The following CLDN10 variants were observed in gnomAD, a reference collection of about 807,000 sequenced individuals.
CLDN10 encodes claudin 10.
CLDN10 carries 15 observed loss-of-function variants against 22.9 expected under a neutral mutation model. The observed-to-expected ratio is 0.65, with a 90% CI of 0.44 to 1.01. CLDN10 has a LOEUF of 1.01. CLDN10 is among the 50% of genes least tolerant of loss of function. The probability of loss-of-function intolerance (pLI) is 0.00; values close to 1 mark genes in which losing one functional copy is unlikely to be tolerated. For synonymous variants in CLDN10, 114 were observed against 111.4 expected (o/e 1.02, Z -0.15); for missense variants, 247 against 287.8 (o/e 0.86, Z 1.03).
intron 1 of CLDN10, among the ~76,000 whole-genome samples, chr13:95,532,026 G>T (rs956634540): frequency 3.9e-5 from 6 of 151,956 alleles, no homozygotes; most frequent in Non-Finnish European, 8.8e-5. Context: ...TGGATCATAG[G>T]CCACATAAAA....
chr13:95,526,144 T>G (rs2043278749), intron 1 of CLDN10, among the ~76,000 whole-genome samples: 1 of 152,250 alleles, frequency 6.6e-6, no homozygotes, highest in African/African-American at 2.4e-5. Context: ...ATTCTCCGAA[T>G]GTTCTTTAGC....
chr13:95,532,002 A>G (rs2043348314), intron 1 of CLDN10, among the ~76,000 whole-genome samples: 1 of 152,234 alleles, frequency 6.6e-6, no homozygotes, highest in South Asian at 2.1e-4. Context: ...TACCAAACAA[A>G]CAATAATTAG....
intron 1 of CLDN10, among the ~76,000 whole-genome samples, chr13:95,512,677 G>A (rs1452624795): frequency 2.0e-5 from 3 of 152,074 alleles, no homozygotes; most frequent in Non-Finnish European, 4.4e-5. Context: ...TCTCCTCTCT[G>A]CCACCTCCAC....
At chr13:95,466,531 G>A (rs2042582647) in intron 1 of CLDN10, among the ~76,000 whole-genome samples, 1 of 152,108 alleles carries the variant, frequency 6.6e-6, no homozygotes, top group East Asian at 1.9e-4. Context: ...ATCACTACAT[G>A]TAAATATATA....
chr13:95,551,985 A>C (rs1376618488), upstream of CLDN10, among the ~76,000 whole-genome samples: 2 of 152,240 alleles, frequency 1.3e-5, no homozygotes, highest in African/African-American at 4.8e-5. Context: ...ACCTACAGGG[A>C]AAATGTGTTG....
At chr13:95,490,040 T>C (rs2042854403) in intron 1 of CLDN10, among the ~76,000 whole-genome samples, 1 of 152,218 alleles carries the variant, frequency 6.6e-6, no homozygotes, top group Admixed American at 6.5e-5. Flanking sequence ...GTATTTGGGT[T>C]TATTTCTGGG....
At chr13:95,569,621 A>G (rs1342123686) in intron 3 of CLDN10, among the ~76,000 whole-genome samples, 1 of 152,180 alleles carries the variant, frequency 6.6e-6, no homozygotes, top group Non-Finnish European at 1.5e-5. Context: ...AATAAAATAA[A>G]TAAGGCTTGT....
chr13:95,467,529 T>TTGGG lies in CLDN10; in HGVS notation c.214+33482_214+33483insTGGG, dbSNP rs34372824. Among the ~76,000 whole-genome samples the TTGGG allele has an allele frequency of 4.5e-3, 677 of 150,886 alleles. 2 individuals carry two copies. The highest frequency in any genetic ancestry group is 0.016 in the African/African-American group (648 of 41,130). On this transcript the variant is annotated intron_variant, in intron 1 of 4. Coordinates refer to the CLDN10 transcript ENST00000376873. ...TTACCCCTCCCTCTATTGTTTTTTT[T>TTGGG]GGGGGGGGCAATTTATTTGTTGATG...
At chr13:95,514,162 C>T (rs774457521) in intron 1 of CLDN10, among the ~76,000 whole-genome samples, 27 of 152,114 alleles carry the variant, frequency 1.8e-4, no homozygotes, top group African/African-American at 3.4e-4. Context: ...TGGAGGCTGA[C>T]GCAGGAGGAT....
chr13:95,474,080 G>T (rs987425704), intron 1 of CLDN10, among the ~76,000 whole-genome samples: 11 of 152,082 alleles, frequency 7.2e-5, no homozygotes, highest in Non-Finnish European at 1.5e-4. Flanking sequence ...TGATTACATT[G>T]CAATATATAA....
chr13:95,577,509 C>T (rs182987278), intron 4 of CLDN10, among the ~76,000 whole-genome samples, 171 bp downstream of exon 4: 487 of 152,264 alleles, frequency 3.2e-3, no homozygotes, highest in South Asian at 5.8e-3. Context: ...TTACTATATT[C>T]CAAAGAAAAT....
chr13:95,497,583 T>C lies in CLDN10; in HGVS notation c.215-62549T>C, dbSNP rs1330270792. 4.9e-4 allele frequency among the ~76,000 whole-genome samples: 74 copies of C among 152,218 alleles called. 1 individual carries two copies. Among genetic ancestry groups the C allele is most frequent in the Non-Finnish European group, 2.9e-5 (2 of 68,038 alleles). ...TTTGGACTCGTGGTAGTGTCATCTT[T>C]GAATGTGCATTGCAGTTTCACAACC... On this transcript the variant is annotated intron_variant, in intron 1 of 4. Transcript: ENST00000376873.
rs560327859 is a variant in CLDN10 at position 95,478,477 on chromosome 13, C to T, written c.214+44430C>T. On this transcript the variant is annotated intron_variant, in intron 1 of 4. Transcript: ENST00000376873. The stretch of plus-strand genomic sequence containing the variant: ...TAGAGAACCACTGGCCTTTGCCATA[C>T]GGAAGATATAATGTGCTGTACCAGG... Among the ~76,000 whole-genome samples the T allele has an allele frequency of 2.0e-5, 3 of 152,262 alleles. No homozygotes were observed. The South Asian group carries it at 6.2e-4, about 32-fold the overall frequency.
intron 1 of CLDN10, among the ~76,000 whole-genome samples, chr13:95,451,191 C>T (rs1339187524): frequency 6.6e-6 from 1 of 152,202 alleles, no homozygotes; most frequent in Non-Finnish European, 1.5e-5. Context: ...AGGAAGAATG[C>T]ATCAAAACAG....
chr13:95,515,415 G>A (rs556107500), intron 1 of CLDN10, among the ~76,000 whole-genome samples: 77 of 152,240 alleles, frequency 5.1e-4, no homozygotes, highest in African/African-American at 1.7e-3. Context: ...GGCCAGGCTG[G>A]TCTTGAATTC....
At chr13:95,560,850 T>C (rs1378773162) in intron 3 of CLDN10, 4 of 185,582 alleles carry the variant, frequency 2.2e-5, no homozygotes, top group Non-Finnish European at 4.5e-5. Context: ...CAAAATGATA[T>C]TTGCCAGATG....
intron 1 of CLDN10, among the ~76,000 whole-genome samples, chr13:95,538,897 T>G (rs545936334): frequency 6.6e-6 from 1 of 152,276 alleles, no homozygotes; most frequent in South Asian, 2.1e-4. Flanking sequence ...TCTCTTTTTT[T>G]GAGATGGAGT....
intron 1 of CLDN10, among the ~76,000 whole-genome samples, chr13:95,469,283 G>T (rs971385068): frequency 5.3e-5 from 8 of 152,146 alleles, no homozygotes; most frequent in African/African-American, 1.7e-4. Context: ...GAGAGATTAT[G>T]ATCTGAGTGA....
intron 1 of CLDN10, among the ~76,000 whole-genome samples, chr13:95,487,575 T>C (rs1171862286): frequency 1.3e-5 from 2 of 152,182 alleles, no homozygotes; most frequent in East Asian, 3.9e-4. Flanking sequence ...TTGAAACATA[T>C]ACAAAAATAA....
Sources: allele counts gnomAD v4.1 joint callset (sites outside exome capture counted in the v4.1 genomes callset), GRCh38; gene constraint gnomAD v4.1.1; transcripts MANE v1.5; gene names NCBI Gene and HGNC (gene_info 2026-07-23, HGNC 2026-07-21).